The following UBE2F variants were observed in gnomAD, a reference collection of about 807,000 sequenced individuals.
UBE2F encodes the protein ubiquitin conjugating enzyme E2 F (putative).
UBE2F carries 5 observed loss-of-function variants against 29.6 expected under a neutral mutation model. That is an observed-to-expected ratio of 0.17 (90% confidence interval 0.09 to 0.36). The LOEUF (loss-of-function observed/expected upper bound fraction) is 0.36, where lower values mean the gene tolerates loss of function less well. Ranked by LOEUF, UBE2F falls within the 10% of genes least tolerant of loss-of-function variation. The pLI is 1.00. For missense variants in UBE2F, 141 were observed against 228.5 expected (o/e 0.62, Z 2.47); for synonymous variants, 66 against 81.8 (o/e 0.81, Z 1.04).
chr2:237,996,317 A>G (rs532458832), intron 4 of UBE2F, among the ~76,000 whole-genome samples: 32 of 152,246 alleles, frequency 2.1e-4, no homozygotes, highest in East Asian at 5.8e-4. Context: ...GGCATTTTCA[A>G]TGGCTATCAG....
intron 3 of UBE2F, among the ~76,000 whole-genome samples, chr2:237,991,083 A>G (rs1375592301): frequency 1.3e-5 from 2 of 152,220 alleles, no homozygotes; most frequent in African/African-American, 4.8e-5. Context: ...GTAACTGCAT[A>G]CCTTAGGTTT....
intron 4 of UBE2F, among the ~76,000 whole-genome samples, chr2:238,002,797 AT>A (rs983859555): frequency 3.3e-5 from 5 of 149,944 alleles, no homozygotes; most frequent in Admixed American, 2.7e-4. Context: ...TTATTTATTT[AT>A]TTTTTTTATT....
At chr2:238,039,900 C>T (rs1303188157) in intron 9 of UBE2F, among the ~76,000 whole-genome samples, 1 of 152,164 alleles carries the variant, frequency 6.6e-6, no homozygotes, top group Non-Finnish European at 1.5e-5. Context: ...TTTGCAGGGT[C>T]CTTGTGAGCT....
chr2:238,024,259 T>C (rs1186749888), intron 5 of UBE2F, among the ~76,000 whole-genome samples: 1 of 152,238 alleles, frequency 6.6e-6, no homozygotes, highest in Non-Finnish European at 1.5e-5. Context: ...ATTAGATATT[T>C]ACGTATGTTT....
At chr2:238,005,618 A>G (rs987765033) in intron 4 of UBE2F, among the ~76,000 whole-genome samples, 22 of 136,400 alleles carry the variant, frequency 1.6e-4, no homozygotes, top group African/African-American at 4.3e-4. Flanking sequence ...TTTTTTTTCT[A>G]TCTCTTTTTT....
At chr2:237,969,754 G>T (rs2106318022) in intron 1 of UBE2F, among the ~76,000 whole-genome samples, 1 of 152,300 alleles carries the variant, frequency 6.6e-6, no homozygotes, top group South Asian at 2.1e-4. Context: ...CCAGGTAGGG[G>T]CTGAAGCAGG....
intron 1 of UBE2F, chr2:237,968,917 G>C (rs2063115675): frequency 1.2e-6 from 1 of 848,200 alleles, no homozygotes; most frequent in Non-Finnish European, 1.4e-6. Flanking sequence ...CAGGTATTCA[G>C]CTAGCCTCTT....
chr2:237,987,962 G>A lies in UBE2F; in HGVS notation c.119-1G>A, dbSNP rs1309631227. 6.7e-7 allele frequency: 1 copy of A among 1,484,452 alleles called. No homozygotes were observed. The highest frequency in any genetic ancestry group is 9.1e-7 in the Non-Finnish European group (1 of 1,102,686). The allele number at this position is 1,484,452 out of a possible 1,614,324, so 92.0% of individuals were successfully genotyped here. On this transcript the variant is annotated splice_acceptor_variant, in intron 2 of 9. Coordinates refer to ENST00000272930, the MANE Select transcript of UBE2F (RefSeq NM_080678.3). LOFTEE classifies it high-confidence loss of function. ...TAATAATAATTTCTTTGTTTCTACA[G>A]AGGTTGCAGAACTTGAAGCTAATTT...
chr2:238,027,598 G>A (rs1432276792), intron 6 of UBE2F, among the ~76,000 whole-genome samples: 2 of 152,182 alleles, frequency 1.3e-5, no homozygotes, highest in Non-Finnish European at 2.9e-5. Flanking sequence ...CCTGTAACTC[G>A]TATGTACCCT....
At chr2:238,000,695 G>A (rs1366828420) in intron 4 of UBE2F, among the ~76,000 whole-genome samples, 1 of 152,134 alleles carries the variant, frequency 6.6e-6, no homozygotes, top group African/African-American at 2.4e-5. Context: ...TTAAATTACT[G>A]GGCCATGTGG....
chr2:237,983,517 G>A (rs945996653), intron 2 of UBE2F, among the ~76,000 whole-genome samples: 3 of 152,148 alleles, frequency 2.0e-5, no homozygotes, highest in African/African-American at 7.2e-5. Flanking sequence ...TGAGATCAGA[G>A]GCCTGCAGGT....
At chr2:238,000,634 G>T (rs913859462) in intron 4 of UBE2F, among the ~76,000 whole-genome samples, 1 of 152,176 alleles carries the variant, frequency 6.6e-6, no homozygotes, top group African/African-American at 2.4e-5. Flanking sequence ...TTTATGTGCA[G>T]GTCTTCATTT....
intron 4 of UBE2F, among the ~76,000 whole-genome samples, chr2:238,012,935 C>T (rs781731076): frequency 1.3e-5 from 2 of 152,202 alleles, no homozygotes; most frequent in Non-Finnish European, 2.9e-5. Flanking sequence ...GACACTCCAG[C>T]GTGAACCAGG....
At chr2:238,034,369 A>AG (rs2064656150) in intron 8 of UBE2F, among the ~76,000 whole-genome samples, 1 of 152,054 alleles carries the variant, frequency 6.6e-6, no homozygotes, top group South Asian at 2.1e-4. Flanking sequence ...TGGAGGTTGC[A>AG]GTGAGCCGAG....
At chr2:238,021,122 C>T (rs2064282351) in intron 5 of UBE2F, among the ~76,000 whole-genome samples, 1 of 152,206 alleles carries the variant, frequency 6.6e-6, no homozygotes. Context: ...GAAAGGATTA[C>T]AGCTCTTTGT....
chr2:238,018,292 G>GC (rs2064209809), intron 5 of UBE2F, among the ~76,000 whole-genome samples: 1 of 152,298 alleles, frequency 6.6e-6, no homozygotes, highest in African/African-American at 2.4e-5. Context: ...TAGATTTGCT[G>GC]CTAAATACTT....
In UBE2F at chr2:238,042,157, T is replaced by A. The variant is rs1378281280; in HGVS notation, c.*819T>A. On this transcript the variant is annotated 3_prime_UTR_variant, in exon 10 of 10. Transcript: ENST00000272930. ...AGCACATTTTGGAGCCCTTTGAAGC[T>A]AGATTTGGATGATCAAAACAAAAAG... 1 of 152,242 alleles carries A rather than the reference T, an allele frequency of 6.6e-6. No homozygotes were observed. The highest frequency in any genetic ancestry group is 6.5e-5 in the Admixed American group (1 of 15,288). The allele number at this position is 152,242 out of a possible 1,614,324, so 9.4% of individuals were successfully genotyped here.
intron 8 of UBE2F, among the ~76,000 whole-genome samples, chr2:238,034,240 A>G (rs2064651782): frequency 6.6e-6 from 1 of 151,840 alleles, no homozygotes; most frequent in African/African-American, 2.4e-5. Context: ...CAGCCTAGAC[A>G]ATATGGTGAA....
At chr2:238,020,151 C>T (rs1263745067) in intron 5 of UBE2F, among the ~76,000 whole-genome samples, 2 of 152,190 alleles carry the variant, frequency 1.3e-5, no homozygotes, top group Non-Finnish European at 2.9e-5. Context: ...CTTACAGACT[C>T]TCCTGAGCAT....
Sources: allele counts gnomAD v4.1 joint callset (sites outside exome capture counted in the v4.1 genomes callset), GRCh38; gene constraint gnomAD v4.1.1; transcripts MANE v1.5; gene names NCBI Gene and HGNC (gene_info 2026-07-23, HGNC 2026-07-21).